The following TOP2A variants were observed in gnomAD, a reference collection of about 807,000 sequenced individuals.
TOP2A encodes DNA topoisomerase 2-alpha.
Under a neutral mutation model 187.2 loss-of-function variants are expected in TOP2A, and 68 were observed. The observed-to-expected ratio is 0.36, with a 90% CI of 0.30 to 0.44. TOP2A has a LOEUF of 0.44. TOP2A is among the 20% of genes least tolerant of loss of function. The pLI is 1.00. For synonymous variants in TOP2A, 542 were observed against 593.2 expected, an observed-to-expected ratio of 0.91 and a Z score of 1.25; for missense variants, 1,196 against 1,808.7, an observed-to-expected ratio of 0.66 and a Z score of 6.14.
intron 21 of TOP2A, 74 bp downstream of exon 21, chr17:40,400,776 A>G (rs1334083373): frequency 6.5e-7 from 1 of 1,543,128 alleles, no homozygotes; most frequent in Non-Finnish European, 8.8e-7. Flanking sequence ...TGTTTGCATC[A>G]TCTTTAATCA....
At chr17:40,394,864 G>GT (rs1245746391) in intron 29 of TOP2A, among the ~76,000 whole-genome samples, 2 of 152,134 alleles carry the variant, frequency 1.3e-5, no homozygotes, top group East Asian at 1.9e-4. Context: ...CTAGAACCTC[G>GT]TAAGTGGCTA....
In TOP2A at chr17:40,389,688, T is replaced by C. The variant is rs561536016; in HGVS notation, c.4468-41A>G. On this transcript the variant is annotated intron_variant, in intron 34 of 34. Coordinates refer to ENST00000423485, the MANE Select transcript of TOP2A (RefSeq NM_001067.4). Reference sequence around the variant, plus strand: ...CCAGGTAACTTGCACATTGTAAATCTGACAACATAATTGTAATGTAAAAAA... The same window carrying C: ...CCAGGTAACTTGCACATTGTAAATCCGACAACATAATTGTAATGTAAAAAA... The C allele has an allele frequency of 1.3e-5, 21 of 1,589,898 alleles. No individual in the cohort carries two copies. The East Asian group carries it at 4.3e-4, about 32-fold the overall frequency.
chr17:40,400,304 C>G lies in TOP2A; in HGVS notation c.2905G>C (p.Val969Leu), dbSNP rs1598612246. ...EYHTDTTVKF[V>L]VKMTEEKLAE... ...AGTTTTTCTTCAGTCATCTTCACAA[C>G]AAATTTCACAGTGGTATCTGTATGG... Residue 969 changes from valine (V) to leucine (L), a missense_variant, in exon 23 of 35, where the codon GTT becomes CTT. Physicochemically the swap from Val to Leu is conservative, Grantham distance 32. Transcript: ENST00000423485. 2.5e-6 allele frequency: 4 copies of G among 1,613,590 alleles called. No individual in the cohort carries two copies. Among genetic ancestry groups the G allele is most frequent in the Non-Finnish European group, 3.4e-6 (4 of 1,179,820 alleles).
intron 27 of TOP2A, among the ~76,000 whole-genome samples, chr17:40,398,250 T>C (rs544365289): frequency 5.0e-4 from 76 of 151,660 alleles, no homozygotes; most frequent in Non-Finnish European, 9.1e-4. Context: ...GTAACTGGTA[T>C]GCACCATCAT....
Position 40,399,854 on chromosome 17 carries a change from A to G in TOP2A, c.3196+18T>C. On this transcript the variant is annotated intron_variant, in intron 24 of 34. Transcript: ENST00000423485. ...GTAACTAGAGTTTTAGTAAGCAGTTATTATTCCCAAAACATACCAATGATT... is the reference window on the plus strand; with the variant it reads ...GTAACTAGAGTTTTAGTAAGCAGTTGTTATTCCCAAAACATACCAATGATT... The G allele has an allele frequency of 6.4e-7, 1 of 1,572,098 alleles. No individual in the cohort carries two copies. Among genetic ancestry groups the G allele is most frequent in the Non-Finnish European group, 8.6e-7 (1 of 1,161,986 alleles).
At chr17:40,398,750 G>A (rs2143642100) in intron 26 of TOP2A, 23 bp downstream of exon 26, 3 of 1,607,416 alleles carry the variant, frequency 1.9e-6, no homozygotes, top group Non-Finnish European at 1.7e-6. Context: ...TAAGCAGCAT[G>A]TACCATCCTA....
chr17:40,399,428 C>T (rs1248062030), intron 24 of TOP2A, among the ~76,000 whole-genome samples: 2 of 152,116 alleles, frequency 1.3e-5, no homozygotes, highest in East Asian at 3.8e-4. Flanking sequence ...GCAGCCTTGA[C>T]CTCCCCAGCT....
At chr17:40,417,629 C>A in intron 1 of TOP2A, 142 bp downstream of exon 1, 1 of 1,519,922 alleles carries the variant, frequency 6.6e-7, no homozygotes, top group East Asian at 2.5e-5. Context: ...CACGATCACC[C>A]CGGAACCGGG....
chr17:40,391,451 G>A (rs530450694), intron 33 of TOP2A, 55 bp downstream of exon 33: 79 of 1,521,464 alleles, frequency 5.2e-5, no homozygotes, highest in Middle Eastern at 3.8e-4. Flanking sequence ...AAATAGACAC[G>A]TGGAAACCAG....
intron 33 of TOP2A, among the ~76,000 whole-genome samples, chr17:40,390,563 C>T (rs1191951868): frequency 6.6e-6 from 1 of 151,650 alleles, no homozygotes; most frequent in African/African-American, 2.4e-5. Flanking sequence ...GTATATTTAA[C>T]ATAGGAAAAG....
intron 16 of TOP2A, 122 bp from the exon 17 acceptor site, chr17:40,405,005 T>C: frequency 1.7e-6 from 1 of 605,448 alleles, no homozygotes; most frequent in Non-Finnish European, 2.8e-6. Context: ...TTTTTTTTTT[T>C]GAGACGGGAG....
rs760129223 is a variant in TOP2A at position 40,400,301 on chromosome 17, C to A, written c.2908G>T (p.Val970Leu). 82 of 1,613,568 alleles carry A rather than the reference C, an allele frequency of 5.1e-5. No individual in the cohort carries two copies. The highest frequency in any genetic ancestry group is 1.2e-4 in the South Asian group (11 of 91,058). Residue 970 changes from valine (V) to leucine (L), a missense_variant, in exon 23 of 35, where the codon GTG becomes TTG. Coordinates refer to ENST00000423485, the MANE Select transcript of TOP2A (RefSeq NM_001067.4). The stretch of plus-strand genomic sequence containing the variant: ...GCCAGTTTTTCTTCAGTCATCTTCA[C>A]AACAAATTTCACAGTGGTATCTGTA... ...YHTDTTVKFV[V>L]KMTEEKLAEA...
At chr17:40,417,036 G>T (rs771930344) in intron 1 of TOP2A, 141 bp from the exon 2 acceptor site, 9 of 738,064 alleles carry the variant, frequency 1.2e-5, no homozygotes, top group Non-Finnish European at 1.7e-5. Flanking sequence ...TGCCAGTTTT[G>T]TACAAATAGG....
chr17:40,391,753 TG>T, intron 32 of TOP2A, 113 bp from the exon 33 acceptor site: 1 of 1,144,526 alleles, frequency 8.7e-7, no homozygotes, highest in South Asian at 1.8e-5. Flanking sequence ...GTGACTTTTC[TG>T]GAATATTTAA....
chr17:40,417,614 C>T, intron 1 of TOP2A, 157 bp downstream of exon 1: 1 of 1,491,376 alleles, frequency 6.7e-7, no homozygotes, highest in Non-Finnish European at 8.9e-7. Flanking sequence ...GGGCTTCCGC[C>T]TCTCCACGAT....
rs1188554108 is a variant in TOP2A, at chr17:40,400,058, C to T, written c.3010G>A (p.Asp1004Asn). ...TATTTCTTTAAACAGCCTACGTGGT[C>T]AAAAAGCACCTGAAAAAGGAAAACA... ...SLTCNSMVLF[D>N]HVGCLKKYDT... is the part of the protein sequence containing the mutation. Residue 1004 changes from aspartate (D) to asparagine (N), a missense_variant, in exon 24 of 35, where the codon GAC (aspartate) becomes AAC (asparagine). This residue lies in a region of TOP2A where 232 missense variants were observed against 306.1 expected (regional missense o/e 0.76). Coordinates refer to ENST00000423485, the MANE Select transcript of TOP2A (RefSeq NM_001067.4). The T allele has an allele frequency of 6.2e-7, 1 of 1,601,730 alleles. No individual in the cohort carries two copies. Among genetic ancestry groups the T allele is most frequent in the Admixed American group, 1.8e-5 (1 of 56,988 alleles).
intron 27 of TOP2A, among the ~76,000 whole-genome samples, chr17:40,398,183 G>A (rs1180927708): frequency 2.1e-5 from 3 of 142,554 alleles, no homozygotes; most frequent in East Asian, 2.1e-4. Context: ...GTGTGATCTC[G>A]GTTCACTGCA....
chr17:40,406,959 G>A lies in TOP2A; in HGVS notation c.1627-17C>T. ...ATCTTGGTCCTAGAAAGATTTGAAA[G>A]CCAAAGTTCAAAAGAACTGTTAGGC... is the stretch of plus-strand genomic sequence containing the variant. On this transcript the variant is annotated splice_polypyrimidine_tract_variant and intron_variant, in intron 13 of 34. Transcript: ENST00000423485. 6.4e-7 allele frequency: 1 copy of A among 1,559,164 alleles called. No homozygotes were observed. The highest frequency in any genetic ancestry group is 8.7e-7 in the Non-Finnish European group (1 of 1,144,766).
Position 40,396,459 on chromosome 17 carries a change from C to T in TOP2A, c.3544G>A (p.Glu1182Lys), listed in dbSNP as rs1856975139. Residue 1182 changes from glutamate (E) to lysine (K), a missense_variant, in exon 28 of 35, where the codon GAA (glutamate) becomes AAA (lysine). Coordinates refer to ENST00000423485, the MANE Select transcript of TOP2A (RefSeq NM_001067.4). ...TGTTCATCTTGTTTTTCCTTGGCTT[C>T]AACAGCCTACAGAAGGGATATAAGA... Reference protein sequence around the residue: ...ATFIEELEAVEAKEKQDEQVG... With the variant: ...ATFIEELEAVKAKEKQDEQVG... 6.2e-7 allele frequency: 1 copy of T among 1,613,536 alleles called. No individual in the cohort carries two copies. The highest frequency in any genetic ancestry group is 1.1e-5 in the South Asian group (1 of 91,064).
Sources: gnomAD v4.1 joint callset for allele counts (sites outside exome capture counted in the v4.1 genomes callset) on GRCh38, gnomAD v4.1.1 for gene constraint, gnomAD v4.1.1 regional missense constraint, MANE v1.5 for transcripts, NCBI Gene and HGNC (gene_info 2026-07-23, HGNC 2026-07-21) for gene names.